The following RANBP2 variants were observed in gnomAD, a reference collection of about 807,000 sequenced individuals.
RANBP2 encodes RAN binding protein 2, also known as E3 SUMO-protein ligase RanBP2.
Under a neutral mutation model 303.6 loss-of-function variants are expected in RANBP2, and 57 were observed. The ratio of observed to expected loss-of-function variants is 0.19; its 90% CI spans 0.15 to 0.23. The LOEUF (loss-of-function observed/expected upper bound fraction) is 0.23. Ranked by LOEUF, RANBP2 falls within the 10% of genes least tolerant of loss-of-function variation. The probability of loss-of-function intolerance (pLI) is 1.00; values close to 1 mark genes in which losing one functional copy is unlikely to be tolerated. For synonymous variants in RANBP2, 1,167 were observed against 1,301.5 expected, an observed-to-expected ratio of 0.90 and a Z score of 2.23; for missense variants, 3,138 against 3,780.8, an observed-to-expected ratio of 0.83 and a Z score of 4.46.
At chr2:108,746,178 G>T (rs1696499975) in intron 7 of RANBP2, among the ~76,000 whole-genome samples, 1 of 150,332 alleles carries the variant, frequency 6.7e-6, no homozygotes, top group African/African-American at 2.4e-5. Flanking sequence ...AAAGTGCTGG[G>T]ATTACAGGTG....
At chr2:108,877,270 C>T in the RANBP2 span, among the ~76,000 whole-genome samples, 2 of 150,606 alleles carry the variant, frequency 1.3e-5, no homozygotes, top group East Asian at 4.0e-4. Flanking sequence ...GAGTTCAAGA[C>T]CAGCCTTGCC....
At chr2:108,839,378 G>A in the RANBP2 span, 1 of 1,199,054 alleles carries the variant, frequency 8.3e-7, no homozygotes, top group Non-Finnish European at 1.2e-6. Context: ...CACAATATCT[G>A]TTTTGAATAT....
chr2:109,067,721 C>T, the RANBP2 span, among the ~76,000 whole-genome samples: 22 of 152,328 alleles, frequency 1.4e-4, no homozygotes, highest in East Asian at 1.7e-3. Flanking sequence ...CTCCTGGCCG[C>T]GCAATCCTTC....
chr2:109,581,914 C>G, the RANBP2 span, among the ~76,000 whole-genome samples: 1 of 152,080 alleles, frequency 6.6e-6, no homozygotes, highest in African/African-American at 2.4e-5. Context: ...AATTTCATAC[C>G]TAGACAACTC....
chr2:109,742,642 C>G, the RANBP2 span, among the ~76,000 whole-genome samples: 1 of 145,994 alleles, frequency 6.8e-6, no homozygotes, highest in East Asian at 2.0e-4. Context: ...AAAATCTCAG[C>G]AAGTTGTTTT....
the RANBP2 span, among the ~76,000 whole-genome samples, chr2:109,199,000 G>A: frequency 6.6e-6 from 1 of 152,164 alleles, no homozygotes; most frequent in Non-Finnish European, 1.5e-5. Flanking sequence ...CACGTGGTGT[G>A]TGACTGTATT....
At chr2:109,608,771 T>TAA in the RANBP2 span, among the ~76,000 whole-genome samples, 1 of 151,606 alleles carries the variant, frequency 6.6e-6, no homozygotes, top group Non-Finnish European at 1.5e-5. Context: ...ATACAAATCC[T>TAA]AAAAAAAAAT....
chr2:109,439,430 G>GA, the RANBP2 span, among the ~76,000 whole-genome samples: 37 of 152,228 alleles, frequency 2.4e-4, no homozygotes, highest in African/African-American at 8.7e-4. Flanking sequence ...TTTAGAGAGA[G>GA]AAAAAACACT....
chr2:109,251,012 T>A, the RANBP2 span, among the ~76,000 whole-genome samples: 1,263 of 151,816 alleles, frequency 8.3e-3, 16 homozygotes, highest in African/African-American at 0.029. Flanking sequence ...TATTTATTTA[T>A]TTTTTTTGAG....
At chr2:108,929,837 C>T in the RANBP2 span, among the ~76,000 whole-genome samples, 3 of 152,224 alleles carry the variant, frequency 2.0e-5, no homozygotes, top group Admixed American at 6.5e-5. Flanking sequence ...TGCTTCCAAT[C>T]AGATGATCTG....
chr2:109,478,783 T>G, the RANBP2 span, among the ~76,000 whole-genome samples: 1 of 152,176 alleles, frequency 6.6e-6, no homozygotes, highest in East Asian at 1.9e-4. Context: ...GGTCTAGCCC[T>G]GGGAAGCTCA....
At chr2:109,682,656 A>G in the RANBP2 span, among the ~76,000 whole-genome samples, 1 of 152,278 alleles carries the variant, frequency 6.6e-6, no homozygotes, top group Non-Finnish European at 1.5e-5. Flanking sequence ...AACTGAACTC[A>G]TAGTAAGGTG....
intron 4 of RANBP2, among the ~76,000 whole-genome samples, chr2:108,732,542 C>G (rs1695249042): frequency 6.6e-6 from 1 of 152,162 alleles, no homozygotes; most frequent in Non-Finnish European, 1.5e-5. Context: ...TTAACCCGAC[C>G]AAAGCACACT....
the RANBP2 span, among the ~76,000 whole-genome samples, chr2:108,880,199 AAAAAC>A: frequency 2.4e-5 from 3 of 122,568 alleles, no homozygotes; most frequent in African/African-American, 3.1e-5. Flanking sequence ...CTTAAAAAAA[AAAAAC>A]AACAACAAAC....
chr2:109,398,881 G>A, the RANBP2 span: 10 of 1,613,664 alleles, frequency 6.2e-6, no homozygotes, highest in East Asian at 4.5e-5. Flanking sequence ...CAGCTCCAGC[G>A]ATCCCCGAGC....
At chr2:108,862,483 A>C in the RANBP2 span, among the ~76,000 whole-genome samples, 2 of 152,194 alleles carry the variant, frequency 1.3e-5, no homozygotes. Context: ...CAACCTGTAT[A>C]ATGTGGTGAT....
chr2:108,856,970 A>G, the RANBP2 span: 1 of 1,532,976 alleles, frequency 6.5e-7, no homozygotes, highest in Non-Finnish European at 8.8e-7. Context: ...GGTGGAATCT[A>G]GTAAGTTTTT....
At chr2:108,843,151 G>T in the RANBP2 span, among the ~76,000 whole-genome samples, 2 of 151,454 alleles carry the variant, frequency 1.3e-5, no homozygotes, top group Non-Finnish European at 2.9e-5. Flanking sequence ...CTGTTCTTTA[G>T]AGTAGTTATT....
chr2:109,208,104 G>C, the RANBP2 span, among the ~76,000 whole-genome samples: 1 of 128,096 alleles, frequency 7.8e-6, no homozygotes, highest in Non-Finnish European at 1.5e-5. Context: ...TGGGCCCTCA[G>C]ACACACATGC....
Sources: gnomAD v4.1 joint callset for allele counts (sites outside exome capture counted in the v4.1 genomes callset) on GRCh38, gnomAD v4.1.1 for gene constraint, MANE v1.5 for transcripts, NCBI Gene and HGNC (gene_info 2026-07-23, HGNC 2026-07-21) for gene names.